Variants in BEND7 observed in about 807,000 individuals in gnomAD.
The protein encoded by BEND7 is BEN domain containing 7, also known as BEN domain-containing protein 7.
BEND7 carries 28 observed loss-of-function variants against 50.9 expected under a neutral mutation model. That is an observed-to-expected ratio of 0.55 (90% CI 0.41 to 0.75). BEND7 has a LOEUF of 0.75. Ranked by LOEUF, BEND7 falls within the 30% of genes least tolerant of loss-of-function variation. The probability of loss-of-function intolerance (pLI) is 0.00; values close to 1 mark genes in which losing one functional copy is unlikely to be tolerated. For synonymous variants in BEND7, 170 were observed against 183.9 expected, an observed-to-expected ratio of 0.92 and a Z score of 0.61; for missense variants, 477 against 491.3, an observed-to-expected ratio of 0.97 and a Z score of 0.28.
chr10:13,449,388 T>C (rs936149653), intron 7 of BEND7, among the ~76,000 whole-genome samples: 3 of 152,148 alleles, frequency 2.0e-5, no homozygotes, highest in East Asian at 3.9e-4. Flanking sequence ...GCTGAACCCT[T>C]AGGACACTCT....
chr10:13,456,952 A>C (rs1260883703), intron 6 of BEND7, among the ~76,000 whole-genome samples: 1 of 152,206 alleles, frequency 6.6e-6, no homozygotes, highest in African/African-American at 2.4e-5. Context: ...CTGATCAGAT[A>C]ATTTCCAAAA....
chr10:13,503,250 C>A (rs2077613960), intron 2 of BEND7, among the ~76,000 whole-genome samples: 1 of 152,104 alleles, frequency 6.6e-6, no homozygotes, highest in South Asian at 2.1e-4. Context: ...AAACATGTCT[C>A]CCAAAGGCAA....
At chr10:13,503,256 G>T (rs2077614450) in intron 2 of BEND7, among the ~76,000 whole-genome samples, 1 of 152,144 alleles carries the variant, frequency 6.6e-6, no homozygotes, top group African/African-American at 2.4e-5. Context: ...GTCTCCCAAA[G>T]GCAAAACAAA....
intron 8 of BEND7, chr10:13,445,670 C>G (rs1426237571): frequency 2.0e-5 from 3 of 152,228 alleles, no homozygotes; most frequent in East Asian, 1.9e-4. Flanking sequence ...TGAGGCTCTT[C>G]TAGCACCCTC....
chr10:13,449,198 ATATGT>A (rs1472702460), intron 7 of BEND7, among the ~76,000 whole-genome samples: 20 of 152,162 alleles, frequency 1.3e-4, no homozygotes, highest in East Asian at 5.8e-4. Context: ...AATAATGAAC[ATATGT>A]TATGTTTATA....
intron 6 of BEND7, among the ~76,000 whole-genome samples, chr10:13,453,239 G>A (rs12572073): frequency 0.11 from 17,019 of 152,164 alleles, 1,034 homozygotes; most frequent in African/African-American, 0.16. Flanking sequence ...AGAACCCCAC[G>A]GTAGGACACA....
At chr10:13,500,706 G>A (rs1218257193) in intron 2 of BEND7, 11 of 985,526 alleles carry the variant, frequency 1.1e-5, no homozygotes, top group South Asian at 4.7e-5. Flanking sequence ...CGAGGAGACA[G>A]AGAGGCGCCG....
chr10:13,452,781 T>G, intron 6 of BEND7, 123 bp from the exon 7 acceptor site: 1 of 850,410 alleles, frequency 1.2e-6, no homozygotes, highest in African/African-American at 1.7e-5. Context: ...CTGCACGATA[T>G]GTCTTCGGTA....
At chr10:13,513,040 G>A (rs1438468322) in intron 2 of BEND7, among the ~76,000 whole-genome samples, 2 of 152,188 alleles carry the variant, frequency 1.3e-5, no homozygotes, top group African/African-American at 4.8e-5. Context: ...TGTATACCAT[G>A]CACACAACTC....
chr10:13,519,938 T>A (rs1332975776), intron 2 of BEND7, among the ~76,000 whole-genome samples: 5 of 152,184 alleles, frequency 3.3e-5, no homozygotes, highest in African/African-American at 1.2e-4. Context: ...GAGGGAATGA[T>A]GTGATCAGTT....
intron 6 of BEND7, chr10:13,459,580 G>A (rs559988830): frequency 1.3e-5 from 2 of 152,190 alleles, no homozygotes; most frequent in Non-Finnish European, 2.9e-5. Flanking sequence ...GGGCCTGATG[G>A]TCCTCCACAT....
intron 5 of BEND7, among the ~76,000 whole-genome samples, chr10:13,483,752 G>A (rs895612203): frequency 2.6e-5 from 4 of 152,130 alleles, no homozygotes; most frequent in East Asian, 1.9e-4. Flanking sequence ...CTATAAAGTC[G>A]AACGTGATAA....
intron 3 of BEND7, 89 bp downstream of exon 3, chr10:13,499,689 A>T: frequency 7.3e-7 from 1 of 1,371,280 alleles, no homozygotes; most frequent in Non-Finnish European, 9.6e-7. Context: ...GGGAGGGTTT[A>T]ATAAATTGAA....
chr10:13,505,559 A>G (rs1202028769), intron 2 of BEND7, among the ~76,000 whole-genome samples: 1 of 152,130 alleles, frequency 6.6e-6, no homozygotes, highest in African/African-American at 2.4e-5. Flanking sequence ...GTCCATAAGT[A>G]CTAAAACTTC....
At chr10:13,510,737 A>G (rs2078216865) in intron 2 of BEND7, among the ~76,000 whole-genome samples, 1 of 152,222 alleles carries the variant, frequency 6.6e-6, no homozygotes, top group African/African-American at 2.4e-5. Flanking sequence ...AAATAAATAA[A>G]GATTAGGTTA....
In BEND7 at chr10:13,458,444, T is replaced by C. The variant is rs559500261; in HGVS notation, c.1064-5786A>G. ...GTGCTGGGAAAAGAAGAATGTGGCA[T>C]GGACTTTGAAAGGAAGTCACTGTGT... On this transcript the variant is annotated intron_variant, in intron 6 of 8. Transcript: ENST00000466271. 1.1e-4 allele frequency among the ~76,000 whole-genome samples: 16 copies of C among 152,360 alleles called. No homozygotes were observed. In the South Asian group the frequency reaches 3.3e-3, roughly 32 times the overall value.
chr10:13,461,402 C>A (rs1840168172), intron 6 of BEND7, among the ~76,000 whole-genome samples: 1 of 152,114 alleles, frequency 6.6e-6, no homozygotes, highest in African/African-American at 2.4e-5. Flanking sequence ...CAAGCTCTGT[C>A]CAGACTTTGA....
Position 13,496,896 on chromosome 10 carries a change from T to G in BEND7, c.449-8A>C, listed in dbSNP as rs376961432. The G allele has an allele frequency of 2.1e-6, 3 of 1,411,898 alleles. No homozygotes were observed. The highest frequency in any genetic ancestry group is 1.5e-5 in the South Asian group (1 of 67,320). 87.5% of individuals were successfully genotyped at this position (1,411,898 alleles called of 1,614,324 possible). On this transcript the variant is annotated splice_region_variant and splice_polypyrimidine_tract_variant and intron_variant, in intron 3 of 8. Transcript: ENST00000466271. ...TCACCACTGGAAGTTCTCCTGAGCATGAAAGAAAAGAATGACATACTCCAA... is the reference window on the plus strand; with the variant it reads ...TCACCACTGGAAGTTCTCCTGAGCAGGAAAGAAAAGAATGACATACTCCAA...
chr10:13,498,977 TG>T (rs1202859694), intron 3 of BEND7, among the ~76,000 whole-genome samples: 1 of 152,214 alleles, frequency 6.6e-6, no homozygotes, highest in African/African-American at 2.4e-5. Context: ...TGAAAATGAA[TG>T]GAAAAAAATC....
Sources: allele counts gnomAD v4.1 joint callset (sites outside exome capture counted in the v4.1 genomes callset), GRCh38; gene constraint gnomAD v4.1.1; transcripts MANE v1.5; gene names NCBI Gene and HGNC (gene_info 2026-07-23, HGNC 2026-07-21).